The following RBFOX1 variants were observed in gnomAD, a reference collection of about 807,000 sequenced individuals.
The protein encoded by RBFOX1 is RNA binding fox-1 homolog 1, also known as RNA binding protein fox-1 homolog 1.
Under a neutral mutation model 57.7 loss-of-function variants are expected in RBFOX1, and 8 were observed. That is an observed-to-expected ratio of 0.14 (90% CI 0.08 to 0.25). The LOEUF is 0.25. Ranked by LOEUF, RBFOX1 falls within the 10% of genes least tolerant of loss-of-function variation. The probability of loss-of-function intolerance (pLI) is 1.00; values close to 1 mark genes in which losing one functional copy is unlikely to be tolerated. For synonymous variants in RBFOX1, 326 were observed against 222.4 expected (o/e 1.47, Z -4.15); for missense variants, 611 against 548.5 (o/e 1.11, Z -1.14).
chr16:7,004,478 C>A (rs78273306), intron 3 of RBFOX1, among the ~76,000 whole-genome samples: 20 of 152,172 alleles, frequency 1.3e-4, no homozygotes, highest in African/African-American at 3.9e-4. Flanking sequence ...TGGAGCCCAG[C>A]CCAGGTTTGG....
intron 3 of RBFOX1, among the ~76,000 whole-genome samples, chr16:6,789,514 A>T (rs1050426579): frequency 3.9e-5 from 6 of 152,178 alleles, no homozygotes; most frequent in African/African-American, 1.4e-4. Context: ...GTTATTACCT[A>T]TGCTGGTTGT....
intron 4 of RBFOX1, among the ~76,000 whole-genome samples, chr16:7,252,042 G>C (rs60200284): frequency 6.6e-6 from 1 of 152,178 alleles, no homozygotes; most frequent in African/African-American, 2.4e-5. Flanking sequence ...AGAAAGTGGA[G>C]AAGGATATTG....
intron 1 of RBFOX1, among the ~76,000 whole-genome samples, chr16:6,212,438 G>A (rs2097304490): frequency 6.6e-6 from 1 of 151,402 alleles, no homozygotes; most frequent in Non-Finnish European, 1.5e-5. Context: ...GGGTGTTTTG[G>A]CTCACCCCTG....
chr16:7,560,712 C>T (rs760016467), intron 5 of RBFOX1, among the ~76,000 whole-genome samples: 3 of 152,058 alleles, frequency 2.0e-5, no homozygotes, highest in Non-Finnish European at 4.4e-5. Context: ...ATGTCTACCA[C>T]CCAAGTCTCA....
intron 3 of RBFOX1, among the ~76,000 whole-genome samples, chr16:5,820,230 G>A (rs187199509): frequency 1.0e-3 from 155 of 152,348 alleles, no homozygotes; most frequent in African/African-American, 3.3e-3. Flanking sequence ...TAGCCTGACT[G>A]CAAAGTTCAT....
At chr16:7,237,378 A>G (rs1271479217) in intron 4 of RBFOX1, among the ~76,000 whole-genome samples, 1 of 152,180 alleles carries the variant, frequency 6.6e-6, no homozygotes, top group Non-Finnish European at 1.5e-5. Context: ...CTGTACATAC[A>G]ATAATAATTA....
At chr16:6,840,574 G>C (rs1343057980) in intron 3 of RBFOX1, among the ~76,000 whole-genome samples, 1 of 152,068 alleles carries the variant, frequency 6.6e-6, no homozygotes, top group East Asian at 1.9e-4. Context: ...TAGCCCTCAT[G>C]AATGGGATTA....
intron 3 of RBFOX1, among the ~76,000 whole-genome samples, chr16:5,793,086 G>C (rs17138652): frequency 1.3e-5 from 2 of 152,058 alleles, no homozygotes; most frequent in Admixed American, 1.3e-4. Context: ...CCGTTTTCCA[G>C]ACCTCAGGCT....
intron 4 of RBFOX1, among the ~76,000 whole-genome samples, chr16:7,279,282 A>C (rs1057345961): frequency 6.6e-6 from 1 of 152,102 alleles, no homozygotes; most frequent in African/African-American, 2.4e-5. Flanking sequence ...AAAGTGGTAC[A>C]GTGTCTCTTT....
chr16:7,061,853 GAAAA>G (rs559610274), intron 4 of RBFOX1, among the ~76,000 whole-genome samples: 1 of 151,284 alleles, frequency 6.6e-6, no homozygotes, highest in Non-Finnish European at 1.5e-5. Flanking sequence ...CATTTCAGGA[GAAAA>G]AAAAATACGT....
chr16:5,865,859 C>A (rs1433398335), intron 3 of RBFOX1, among the ~76,000 whole-genome samples: 1 of 151,884 alleles, frequency 6.6e-6, no homozygotes, highest in Non-Finnish European at 1.5e-5. Context: ...TAGGTGGCTG[C>A]CTTCTTGCTG....
At chr16:5,883,390 C>G (rs1046830578) in intron 4 of RBFOX1, among the ~76,000 whole-genome samples, 1 of 152,122 alleles carries the variant, frequency 6.6e-6, no homozygotes, top group Non-Finnish European at 1.5e-5. Flanking sequence ...AATACTTTTT[C>G]TGACATTCTC....
chr16:6,512,943 A>G (rs1035688227), intron 2 of RBFOX1, among the ~76,000 whole-genome samples: 1 of 152,226 alleles, frequency 6.6e-6, no homozygotes, highest in Non-Finnish European at 1.5e-5. Flanking sequence ...GCTGTTACAC[A>G]TGAAGTTTTG....
chr16:6,041,088 C>T (rs565531013), intron 1 of RBFOX1, among the ~76,000 whole-genome samples: 138 of 152,290 alleles, frequency 9.1e-4, no homozygotes, highest in Non-Finnish European at 1.6e-3. Context: ...CTGTAAAAGT[C>T]TCCTGTACTT....
At chr16:5,403,510 C>G (rs918516631) in intron 1 of RBFOX1, among the ~76,000 whole-genome samples, 1 of 152,152 alleles carries the variant, frequency 6.6e-6, no homozygotes, top group African/African-American at 2.4e-5. Flanking sequence ...GTGGCACAAT[C>G]TTGGCTCACC....
At position 6,906,239 on chromosome 16, in the gene RBFOX1, A is replaced by ACCCC. The variant is rs56341827; in HGVS notation, c.-15-145812_-15-145809dup. On this transcript the variant is annotated intron_variant, in intron 3 of 15. Transcript: ENST00000550418. ...GGGCAACCCCAAAAAGCAATTTATT[A>ACCCC]CCCCCCCCCAAAATATACATTGTCA... Among the ~76,000 whole-genome samples, 166 of 149,732 alleles carry ACCCC rather than the reference A, an allele frequency of 1.1e-3. 1 individual carries two copies. Among genetic ancestry groups the ACCCC allele is most frequent in the African/African-American group, 3.9e-3 (158 of 40,466 alleles).
At chr16:6,200,626 C>G (rs1049104608) in intron 1 of RBFOX1, among the ~76,000 whole-genome samples, 1 of 152,128 alleles carries the variant, frequency 6.6e-6, no homozygotes, top group African/African-American at 2.4e-5. Context: ...CAGTTTTACA[C>G]ACGTTAAATG....
chr16:6,500,853 T>C (rs2095889172), intron 2 of RBFOX1, among the ~76,000 whole-genome samples: 1 of 150,486 alleles, frequency 6.6e-6, no homozygotes, highest in South Asian at 2.1e-4. Flanking sequence ...ATCATTGTCT[T>C]TTATCTCAGC....
intron 3 of RBFOX1, among the ~76,000 whole-genome samples, chr16:6,912,346 G>A (rs190990198): frequency 6.6e-6 from 1 of 152,082 alleles, no homozygotes; most frequent in Non-Finnish European, 1.5e-5. Flanking sequence ...TACACTTCTA[G>A]CAAGTTCCCA....
Sources: gnomAD v4.1 joint callset for allele counts (sites outside exome capture counted in the v4.1 genomes callset) on GRCh38, gnomAD v4.1.1 for gene constraint, MANE v1.5 for transcripts, NCBI Gene and HGNC (gene_info 2026-07-23, HGNC 2026-07-21) for gene names.